The following C11orf65 variants were observed in gnomAD, a reference collection of about 807,000 sequenced individuals.
C11orf65 encodes the protein protein MFI.
C11orf65 carries 38 observed loss-of-function variants against 35.3 expected under a neutral mutation model. That is an observed-to-expected ratio of 1.08 (90% CI 0.83 to 1.41). The LOEUF is 1.41. Among genes scored for constraint, C11orf65 ranks in the 40% most tolerant of loss-of-function variants. The pLI, the probability that C11orf65 is intolerant of heterozygous loss-of-function variation, is 0.00. For synonymous variants in C11orf65, 105 were observed against 114.4 expected, an observed-to-expected ratio of 0.92 and a Z score of 0.53; for missense variants, 370 against 367.1, an observed-to-expected ratio of 1.01 and a Z score of -0.06.
At position 108,354,796 on chromosome 11, in the gene C11orf65, T is replaced by C. The variant is rs1057521788; in HGVS notation, c.227-19504A>G. The C allele has an allele frequency of 9.9e-6, 16 of 1,609,430 alleles. No individual in the cohort carries two copies. The highest frequency in any genetic ancestry group is 1.3e-5 in the African/African-American group (1 of 74,958). ...TGTGTAACAAAATCCGTATTTATAA[T>C]GTGTTTGACTCTAGATGCTGTGAGA... On this transcript the variant is annotated intron_variant, in intron 2 of 3. Coordinates refer to the C11orf65 transcript ENST00000524755.
At chr11:108,441,372 C>T (rs916467224) in intron 2 of C11orf65, among the ~76,000 whole-genome samples, 3 of 152,248 alleles carry the variant, frequency 2.0e-5, no homozygotes, top group Non-Finnish European at 4.4e-5. Context: ...GCCTGCCTGC[C>T]TCTGTAGACT....
intron 2 of C11orf65, among the ~76,000 whole-genome samples, chr11:108,443,612 A>T (rs2093197945): frequency 6.6e-6 from 1 of 152,134 alleles, no homozygotes; most frequent in South Asian, 2.1e-4. Context: ...AAATTATAAC[A>T]AACTGTCTCT....
intron 6 of C11orf65, among the ~76,000 whole-genome samples, chr11:108,403,198 G>T (rs2138596205): frequency 6.6e-6 from 1 of 152,220 alleles, no homozygotes; most frequent in African/African-American, 2.4e-5. Context: ...ATTTGCATTT[G>T]CTCCATATCC....
At chr11:108,358,687 G>A (rs12362933) in intron 2 of C11orf65, among the ~76,000 whole-genome samples, 1 of 148,668 alleles carries the variant, frequency 6.7e-6, no homozygotes, top group African/African-American at 2.5e-5. Flanking sequence ...TTCATATCCA[G>A]CCAAACTAAG....
At chr11:108,357,283 T>G (rs227052) in intron 2 of C11orf65, among the ~76,000 whole-genome samples, 2 of 149,654 alleles carry the variant, frequency 1.3e-5, no homozygotes, top group Admixed American at 6.6e-5. Context: ...GCAGCTGGCT[T>G]GGAGGGTCCT....
chr11:108,381,538 G>C (rs2138242582), downstream of C11orf65, among the ~76,000 whole-genome samples: 1 of 152,282 alleles, frequency 6.6e-6, no homozygotes, highest in African/African-American at 2.4e-5. Flanking sequence ...GATACCCACA[G>C]TAATAACCCA....
Position 108,326,169 on chromosome 11 carries a change from C to T in C11orf65, c.641-17098G>A, listed in dbSNP as rs56009889. ...ATTCTGGGCAAAAAAGGAGCAGAGT[C>T]TTGCCCTGAGTATTCTCAAGCAAAT... On this transcript the variant is annotated intron_variant, in intron 6 of 6. Transcript: ENST00000525729. 1,202 of 1,614,026 alleles carry T rather than the reference C, an allele frequency of 7.4e-4. 13 individuals carry two copies. Among genetic ancestry groups the T allele is most frequent in the Non-Finnish European group, 1.4e-4 (171 of 1,180,026 alleles).
At chr11:108,366,151 AT>A (rs2091317680) in intron 2 of C11orf65, 2 of 193,546 alleles carry the variant, frequency 1.0e-5, no homozygotes, top group Admixed American at 6.1e-5. Flanking sequence ...TGTAGTTACT[AT>A]TTTTTTAAGT....
chr11:108,426,386 C>T (rs991871505), intron 3 of C11orf65, among the ~76,000 whole-genome samples: 2 of 152,062 alleles, frequency 1.3e-5, no homozygotes, highest in East Asian at 1.9e-4. Flanking sequence ...AATGAGTGAG[C>T]TCTCATTCAC....
At chr11:108,381,279 G>A (rs1161437260), downstream of C11orf65, among the ~76,000 whole-genome samples, 1 of 152,182 alleles carries the variant, frequency 6.6e-6, no homozygotes, top group Non-Finnish European at 1.5e-5. Context: ...GTTCCTACAA[G>A]TTGAGACTCA....
intron 1 of C11orf65, among the ~76,000 whole-genome samples, chr11:108,464,860 T>C (rs922395848): frequency 1.3e-5 from 2 of 151,752 alleles, no homozygotes; most frequent in South Asian, 4.2e-4. Context: ...ATAACTTCAT[T>C]AAAAAAAACA....
At chr11:108,404,571 C>A (rs1189809163) in intron 6 of C11orf65, among the ~76,000 whole-genome samples, 2 of 140,332 alleles carry the variant, frequency 1.4e-5, no homozygotes, top group Non-Finnish European at 3.1e-5. Flanking sequence ...CCAAGCCCGG[C>A]TAATTTTTTC....
At chr11:108,347,224 T>C in intron 2 of C11orf65, 1 of 1,303,244 alleles carries the variant, frequency 7.7e-7, no homozygotes, top group East Asian at 2.3e-5. Flanking sequence ...TATGGCTATA[T>C]ATTAGAAAGA....
chr11:108,397,859 C>G (rs1021766671), intron 6 of C11orf65, among the ~76,000 whole-genome samples: 1 of 152,164 alleles, frequency 6.6e-6, no homozygotes, highest in Admixed American at 6.6e-5. Context: ...ATAAATAGAA[C>G]AGAGTCTCTG....
chr11:108,397,319 A>C (rs596127), intron 6 of C11orf65, among the ~76,000 whole-genome samples: 1 of 103,942 alleles, frequency 9.6e-6, no homozygotes, highest in African/African-American at 3.3e-5. Flanking sequence ...ACTCTTTCTC[A>C]AAAAAAAAAA....
At chr11:108,359,709 T>C (rs227044) in intron 2 of C11orf65, among the ~76,000 whole-genome samples, 150,580 of 152,218 alleles carry the variant, frequency 0.99, 74,499 homozygotes, top group Middle Eastern at 1. Context: ...GGATACATAA[T>C]GAAATGAAGG....
intron 8 of C11orf65, 96 bp downstream of exon 8, chr11:108,385,824 C>G: frequency 1.0e-6 from 1 of 953,536 alleles, no homozygotes. Context: ...ATATACTATG[C>G]AGATTACTGA....
intron 3 of C11orf65, among the ~76,000 whole-genome samples, chr11:108,426,235 A>C (rs1413160637): frequency 6.6e-6 from 1 of 152,222 alleles, no homozygotes; most frequent in Non-Finnish European, 1.5e-5. Flanking sequence ...ACATGATTGT[A>C]TATTTAGAAA....
At chr11:108,342,121 A>C (rs1251388213) in intron 2 of C11orf65, among the ~76,000 whole-genome samples, 1 of 152,082 alleles carries the variant, frequency 6.6e-6, no homozygotes, top group African/African-American at 2.4e-5. Context: ...GCTCATCAGC[A>C]ATCATTAGTG....
Sources: gnomAD v4.1 joint callset for allele counts (sites outside exome capture counted in the v4.1 genomes callset) on GRCh38, gnomAD v4.1.1 for gene constraint, MANE v1.5 for transcripts, NCBI Gene and HGNC (gene_info 2026-07-23, HGNC 2026-07-21) for gene names.